VCL: variants seen among roughly 807,000 people sequenced by gnomAD.
VCL encodes epididymis luminal protein 114.
Under a neutral mutation model 125.7 loss-of-function variants are expected in VCL, and 47 were observed. The observed-to-expected ratio is 0.37, with a 90% CI of 0.30 to 0.48. VCL has a LOEUF of 0.48. VCL is among the 20% of genes least tolerant of loss of function. The pLI, the probability that VCL is intolerant of heterozygous loss-of-function variation, is 0.99. For synonymous variants in VCL, 458 were observed against 514.6 expected, an observed-to-expected ratio of 0.89 and a Z score of 1.49; for missense variants, 1,069 against 1,455.5, an observed-to-expected ratio of 0.73 and a Z score of 4.32.
chr10:74,083,823 C>T (rs1386436488), intron 8 of VCL, among the ~76,000 whole-genome samples: 1 of 152,016 alleles, frequency 6.6e-6, no homozygotes, highest in Non-Finnish European at 1.5e-5. Flanking sequence ...TCCCGGGTAG[C>T]TGGGATTATA....
At chr10:74,011,492 C>A (rs566599972) in intron 1 of VCL, among the ~76,000 whole-genome samples, 2 of 152,156 alleles carry the variant, frequency 1.3e-5, no homozygotes, top group African/African-American at 2.4e-5. Flanking sequence ...GGGTTTTATT[C>A]TTCATATTAT....
Position 73,998,306 on chromosome 10 carries a change from C to T in VCL, c.99C>T (p.Asp33=), listed in dbSNP as rs568175141. The change falls in exon 1 of 22, where the codon GAC becomes GAT. Residue 33 remains aspartate (D), a synonymous_variant. Transcript: ENST00000211998. ...LVIMHEEGEV[D]GKAIPDLTAP... Reference sequence around the variant, plus strand: ...TAATGCACGAGGAGGGCGAGGTGGACGGCAAAGCCATTCCTGACCTCACCG... The same window carrying T: ...TAATGCACGAGGAGGGCGAGGTGGATGGCAAAGCCATTCCTGACCTCACCG... The T allele has an allele frequency of 6.3e-6, 10 of 1,593,602 alleles. No individual in the cohort carries two copies. The East Asian group carries it at 2.1e-4, about 33-fold the overall frequency.
intron 1 of VCL, among the ~76,000 whole-genome samples, chr10:74,013,980 T>TCC (rs1445780500): frequency 2.0e-5 from 3 of 152,238 alleles, no homozygotes; most frequent in Non-Finnish European, 4.4e-5. Flanking sequence ...TCAGTAGAAT[T>TCC]CCATATGTTG....
At position 74,071,623 on chromosome 10, in the gene VCL, G is replaced by A. The variant is rs2136273237; in HGVS notation, c.499+540G>A. ...ATTCAAAATATATAAACGGATACCA[G>A]CTTTTGATGTTACAGACATATAACA... is the stretch of plus-strand genomic sequence containing the variant. On this transcript the variant is annotated intron_variant, in intron 4 of 21. Coordinates refer to ENST00000211998, the MANE Select transcript of VCL (RefSeq NM_014000.3). The surrounding 1 kb of genome is among the most constrained non-coding windows in gnomAD (Gnocchi z 4.1). Among the ~76,000 whole-genome samples the A allele has an allele frequency of 6.6e-6, 1 of 152,278 alleles. No individual in the cohort carries two copies. Among genetic ancestry groups the A allele is most frequent in the East Asian group, 1.9e-4 (1 of 5,192 alleles).
At position 74,071,259 on chromosome 10, in the gene VCL, G is replaced by A. The variant is rs559815278; in HGVS notation, c.499+176G>A. On this transcript the variant is annotated intron_variant, in intron 4 of 21. Coordinates refer to ENST00000211998, the MANE Select transcript of VCL (RefSeq NM_014000.3). The surrounding 1 kb of genome is among the most constrained non-coding windows in gnomAD (Gnocchi z 4.1). Reference sequence around the variant, plus strand: ...CTTTGAGGTGATGTCATTATCTCTGGTATCTGAATCTGCTTTCTATATATT... The same window carrying A: ...CTTTGAGGTGATGTCATTATCTCTGATATCTGAATCTGCTTTCTATATATT... Among the ~76,000 whole-genome samples, 154 of 152,194 alleles carry A rather than the reference G, an allele frequency of 1.0e-3. No homozygotes were observed. Among genetic ancestry groups the A allele is most frequent in the Non-Finnish European group, 1.5e-3 (101 of 68,030 alleles).
At chr10:74,077,067 C>A (rs1839597970) in intron 6 of VCL, 1 of 152,648 alleles carries the variant, frequency 6.6e-6, no homozygotes, top group Non-Finnish European at 1.5e-5. Context: ...TCACCGTGTA[C>A]AGTCTTGTAG....
intron 1 of VCL, among the ~76,000 whole-genome samples, chr10:74,042,783 A>G (rs1268079536): frequency 6.6e-6 from 1 of 152,154 alleles, no homozygotes; most frequent in Non-Finnish European, 1.5e-5. Context: ...GCTTAAATAC[A>G]CACACTTATA....
In VCL at chr10:74,097,301, C is replaced by T. The variant is rs748140302; in HGVS notation, c.1841C>T (p.Thr614Met). The change falls in exon 13 of 22, where the codon ACG (threonine) becomes ATG (methionine). Residue 614 changes from threonine to methionine, a missense_variant. By Grantham distance (81) the Thr-to-Met change is moderately conservative. Coordinates refer to ENST00000211998, the MANE Select transcript of VCL (RefSeq NM_014000.3). This position sits in a 1 kb window ranked among gnomAD's most constrained non-coding sequence, Gnocchi z 4.1. ...ATCAAGCTGTTGGCAGTGGCAGCCACGGCGCCTCCTGATGCGCCTAACAGG... is the reference window on the plus strand; with the variant it reads ...ATCAAGCTGTTGGCAGTGGCAGCCATGGCGCCTCCTGATGCGCCTAACAGG... ...TPIKLLAVAA[T>M]APPDAPNREE... The T allele has an allele frequency of 1.8e-5, 29 of 1,613,784 alleles. No individual in the cohort carries two copies. The highest frequency in any genetic ancestry group is 4.5e-5 in the East Asian group (2 of 44,896).
intron 1 of VCL, among the ~76,000 whole-genome samples, chr10:74,012,199 A>T (rs988598282): frequency 6.6e-6 from 1 of 152,212 alleles, no homozygotes; most frequent in Admixed American, 6.5e-5. Flanking sequence ...GAACTGGCTC[A>T]TCTTTTATCT....
chr10:74,072,051 C>T (rs982196650), intron 4 of VCL, among the ~76,000 whole-genome samples: 2 of 152,128 alleles, frequency 1.3e-5, no homozygotes, highest in African/African-American at 4.8e-5. Context: ...GTCTGTGAGA[C>T]AACTTGAGAA....
chr10:74,035,669 G>T (rs943431833), intron 1 of VCL, among the ~76,000 whole-genome samples: 1 of 152,192 alleles, frequency 6.6e-6, no homozygotes, highest in African/African-American at 2.4e-5. Flanking sequence ...AAATAAAAGA[G>T]AAATAATTTT....
At position 74,118,177 on chromosome 10, in the gene VCL, GC is replaced by G. The variant is rs1840341295; in HGVS notation, c.*9del. ...ACTCCCTGGTACCAGTAGGCACCTG[GC>G]TGAGCCTGGCTGGCACAGAAACCTC... On this transcript the variant is annotated 3_prime_UTR_variant, in exon 22 of 22. Coordinates refer to ENST00000211998, the MANE Select transcript of VCL (RefSeq NM_014000.3). 6.2e-7 allele frequency: 1 copy of G among 1,614,052 alleles called. No homozygotes were observed. The highest frequency in any genetic ancestry group is 1.3e-5 in the African/African-American group (1 of 74,994).
At chr10:74,111,404 C>T (rs1840216469) in intron 18 of VCL, among the ~76,000 whole-genome samples, 1 of 152,220 alleles carries the variant, frequency 6.6e-6, no homozygotes, top group Non-Finnish European at 1.5e-5. Flanking sequence ...ACCCAAATTG[C>T]CTCCTGTGTC....
chr10:74,087,513 ATTTTTTTTT>A (rs1167937127), intron 8 of VCL, among the ~76,000 whole-genome samples: 1 of 123,078 alleles, frequency 8.1e-6, no homozygotes, highest in Non-Finnish European at 1.7e-5. Context: ...CGCCTGGCTA[ATTTTTTTTT>A]TTTTTTTTTT....
intron 14 of VCL, among the ~76,000 whole-genome samples, chr10:74,101,542 G>GTTTTTTTTTT (rs964739371): frequency 1.2e-4 from 11 of 88,142 alleles, no homozygotes; most frequent in South Asian, 3.8e-4. Flanking sequence ...CTATTTATTA[G>GTTTTTTTTTT]TTTTTTTTTT....
At chr10:74,026,544 A>AT (rs148969218) in intron 1 of VCL, among the ~76,000 whole-genome samples, 197 of 150,992 alleles carry the variant, frequency 1.3e-3, no homozygotes, top group East Asian at 4.6e-3. Flanking sequence ...ATGAAAAATA[A>AT]TTTTTTTTTT....
intron 13 of VCL, among the ~76,000 whole-genome samples, chr10:74,099,782 T>G (rs760829844): frequency 1.3e-5 from 2 of 152,162 alleles, no homozygotes; most frequent in African/African-American, 4.8e-5. Flanking sequence ...GTAAAAGAAC[T>G]GAGGCCACGG....
chr10:74,118,953 C>G lies in VCL; in HGVS notation c.*784C>G, dbSNP rs983873049. 1 of 153,422 alleles carries G rather than the reference C, an allele frequency of 6.5e-6. No individual in the cohort carries two copies. The highest frequency in any genetic ancestry group is 1.5e-5 in the Non-Finnish European group (1 of 68,656). 9.5% of individuals were successfully genotyped at this position (153,422 alleles called of 1,614,324 possible). A position where few individuals can be genotyped will look rare whatever the true frequency, so the allele number is the denominator to read the frequency against. ...CCAAGGTAGCCATCCCATGAACACA[C>G]TGTGTCCTGGTGCTCTCTGCCACTG... On this transcript the variant is annotated 3_prime_UTR_variant, in exon 22 of 22. Coordinates refer to ENST00000211998, the MANE Select transcript of VCL (RefSeq NM_014000.3).
chr10:74,066,544 G>T (rs1841573935), intron 2 of VCL, among the ~76,000 whole-genome samples: 1 of 152,104 alleles, frequency 6.6e-6, no homozygotes, highest in East Asian at 1.9e-4. Flanking sequence ...ACATATATAG[G>T]TGGTAAAAGT....
Sources: gnomAD v4.1 joint callset for allele counts (sites outside exome capture counted in the v4.1 genomes callset) on GRCh38, gnomAD v4.1.1 for gene constraint, Gnocchi (gnomAD v3.1) non-coding constraint, MANE v1.5 for transcripts, NCBI Gene and HGNC (gene_info 2026-07-23, HGNC 2026-07-21) for gene names.